The following PDE6H variants were observed in gnomAD, a reference collection of about 807,000 sequenced individuals.
PDE6H encodes retinal cone rhodopsin-sensitive cGMP 3',5'-cyclic phosphodiesterase subunit gamma.
PDE6H carries 11 observed loss-of-function variants against 9.2 expected under a neutral mutation model. The observed-to-expected ratio is 1.19, with a 90% confidence interval of 0.75 to 1.97. The LOEUF is 1.97. Ranked by LOEUF, PDE6H falls within the 30% of genes most tolerant of loss-of-function variation. PDE6H has a pLI of 0.00. For missense variants in PDE6H, 98 were observed against 101.5 expected (o/e 0.97, Z 0.15); for synonymous variants, 36 against 33.6 (o/e 1.07, Z -0.25).
chr12:14,976,361 G>T (rs1438803815), intron 1 of PDE6H, among the ~76,000 whole-genome samples: 1 of 152,114 alleles, frequency 6.6e-6, no homozygotes, highest in African/African-American at 2.4e-5. Flanking sequence ...TTAAATAAGA[G>T]AAAAATCTTG....
At chr12:14,973,990 A>T (rs1273511692) in intron 1 of PDE6H, among the ~76,000 whole-genome samples, 3 of 152,154 alleles carry the variant, frequency 2.0e-5, no homozygotes, top group Non-Finnish European at 4.4e-5. Flanking sequence ...GTTGACCCTA[A>T]TCCCAGTCCC....
Position 14,979,216 on chromosome 12 carries a change from A to G in PDE6H, c.172A>G (p.Thr58Ala), listed in dbSNP as rs778468266. The G allele has an allele frequency of 1.2e-5, 20 of 1,605,438 alleles. No homozygotes were observed. The Admixed American group carries it at 3.0e-4, about 24-fold the overall frequency. ...CATTCCAGGAATGGAGGGGCTAGGA[A>G]CAGGTAAGCCATCCACTGATTTAAG... The part of the protein sequence containing the change: ...DDIPGMEGLG[T>A]DITVICPWEA... Residue 58 changes from threonine (T) to alanine (A), a missense_variant, in exon 3 of 4, where the codon ACA (threonine) becomes GCA (alanine). Physicochemically the swap from Thr to Ala is moderately conservative, Grantham distance 58 (BLOSUM62 0). Coordinates refer to ENST00000266395, the MANE Select transcript of PDE6H (RefSeq NM_006205.3).
At chr12:14,977,702 C>T (rs528289575) in intron 1 of PDE6H, among the ~76,000 whole-genome samples, 2 of 152,240 alleles carry the variant, frequency 1.3e-5, no homozygotes, top group African/African-American at 4.8e-5. Flanking sequence ...TAAAATCTAT[C>T]AATTGTCCGT....
At chr12:14,981,267 C>G in intron 3 of PDE6H, 133 bp from the exon 4 acceptor site, 1 of 766,076 alleles carries the variant, frequency 1.3e-6, no homozygotes, top group Non-Finnish European at 2.4e-6. Context: ...CAGGGCCACG[C>G]TAGGGAACTT....
At chr12:14,975,878 T>A (rs1864586728) in intron 1 of PDE6H, among the ~76,000 whole-genome samples, 1 of 149,106 alleles carries the variant, frequency 6.7e-6, no homozygotes, top group African/African-American at 2.5e-5. Context: ...TGGAGTGCAG[T>A]GGCACAATCT....
chr12:14,977,955 A>T lies in PDE6H; in HGVS notation c.-41-17A>T. On this transcript the variant is annotated splice_polypyrimidine_tract_variant and intron_variant, in intron 1 of 3. Coordinates refer to ENST00000266395, the MANE Select transcript of PDE6H (RefSeq NM_006205.3). ...TGACTTGAAAGATCTTCTTTTTTTT[A>T]TCTTTCACTGTCTAAGGAGGCTGAA... 6 of 1,554,418 alleles carry T rather than the reference A, an allele frequency of 3.9e-6. No individual in the cohort carries two copies. In the Admixed American group the frequency reaches 5.3e-5, roughly 14 times the overall value.
At chr12:14,978,258 A>G (rs1388548449) in intron 2 of PDE6H, 112 bp downstream of exon 2, 2 of 898,114 alleles carry the variant, frequency 2.2e-6, no homozygotes, top group Non-Finnish European at 3.6e-6. Context: ...AAAAATTTCC[A>G]CTCCATCCTC....
rs752057504 is a variant in PDE6H, at chr12:14,981,463, T to A, written c.239T>A (p.Phe80Tyr). 2.5e-6 allele frequency: 4 copies of A among 1,612,824 alleles called. No individual in the cohort carries two copies. Among genetic ancestry groups the A allele is most frequent in the Non-Finnish European group, 3.4e-6 (4 of 1,178,782 alleles). The change falls in exon 4 of 4, where the codon TTT (phenylalanine) becomes TAT (tyrosine). Residue 80 changes from phenylalanine (F) to tyrosine (Y), a missense_variant. By Grantham distance (22) the Phe-to-Tyr change is conservative. Coordinates refer to ENST00000266395, the MANE Select transcript of PDE6H (RefSeq NM_006205.3). ...CTGGAATTGCATGAGCTCGCTCAGT[T>A]TGGGATTATCTGAAGTGCCAGAGGT... ...SHLELHELAQ[F>Y]GII is the part of the protein sequence containing the mutation.
intron 1 of PDE6H, among the ~76,000 whole-genome samples, chr12:14,975,531 G>C (rs923945893): frequency 3.9e-5 from 6 of 152,138 alleles, no homozygotes; most frequent in African/African-American, 1.4e-4. Context: ...TGGCAGGGCT[G>C]GGATGTGTCA....
intron 3 of PDE6H, among the ~76,000 whole-genome samples, chr12:14,979,740 T>A (rs912184064): frequency 6.6e-6 from 1 of 152,222 alleles, no homozygotes. Flanking sequence ...CAATATAATT[T>A]TAAAAATTGG....
At chr12:14,980,438 T>C (rs967197229) in intron 3 of PDE6H, among the ~76,000 whole-genome samples, 5 of 152,210 alleles carry the variant, frequency 3.3e-5, no homozygotes, top group African/African-American at 1.2e-4. Context: ...TAAATATTTA[T>C]GTGCAGGCTT....
rs377544576 is a variant in PDE6H at position 14,976,184 on chromosome 12, G to C, written c.-41-1788G>C. ...ATATAATATATATGGCATGATTACT[G>C]TACACCATGCACTGTTGTAGGTTCT... On this transcript the variant is annotated intron_variant, in intron 1 of 3. Coordinates refer to ENST00000266395, the MANE Select transcript of PDE6H (RefSeq NM_006205.3). Among the ~76,000 whole-genome samples the C allele has an allele frequency of 2.8e-3, 432 of 152,174 alleles. 2 individuals are homozygous for C. Among genetic ancestry groups the C allele is most frequent in the African/African-American group, 9.8e-3 (407 of 41,514 alleles).
intron 2 of PDE6H, 35 bp from the exon 3 acceptor site, chr12:14,979,144 A>T (rs1565472572): frequency 6.6e-7 from 1 of 1,511,178 alleles, no homozygotes. Flanking sequence ...TTTTGCTCTA[A>T]TCTCAGCTAA....
intron 1 of PDE6H, among the ~76,000 whole-genome samples, chr12:14,975,162 T>G (rs1864572793): frequency 1.3e-5 from 2 of 152,144 alleles, no homozygotes; most frequent in Non-Finnish European, 2.9e-5. Flanking sequence ...GAGGGTCACT[T>G]TAGGCCCTTA....
chr12:14,975,662 C>T (rs1864581439), intron 1 of PDE6H, among the ~76,000 whole-genome samples: 2 of 151,838 alleles, frequency 1.3e-5, no homozygotes, highest in Non-Finnish European at 2.9e-5. Context: ...TAGAGAGGGC[C>T]CACAGAACGG....
At chr12:14,979,503 TA>T (rs1373077098) in intron 3 of PDE6H, among the ~76,000 whole-genome samples, 1 of 152,170 alleles carries the variant, frequency 6.6e-6, no homozygotes, top group African/African-American at 2.4e-5. Context: ...ACTTTTATGG[TA>T]GAAAGATTTT....
chr12:14,979,720 T>A (rs1864653234), intron 3 of PDE6H, among the ~76,000 whole-genome samples: 1 of 152,234 alleles, frequency 6.6e-6, no homozygotes, highest in Non-Finnish European at 1.5e-5. Flanking sequence ...TCTTACATAC[T>A]GAATGCCTGC....
chr12:14,973,610 A>T (rs11056266), intron 1 of PDE6H, among the ~76,000 whole-genome samples: 17,937 of 152,062 alleles, frequency 0.12, 1,174 homozygotes, highest in South Asian at 0.25. Flanking sequence ...GCTGGCTGGA[A>T]TTTTGGTAAT....
rs1277467419 is a variant in PDE6H at position 14,978,050 on chromosome 12, ACCAGGGTCCTACCAC to A, written c.41_55del (p.Gln14_Thr18del). Reference sequence around the variant, plus strand: ...ACTACTCTGCCTGCTCCAGCTTCAAACCAGGGTCCTACCACCCCACGCAAAGGCCCTCCCAAGTTC... The same window carrying A: ...ACTACTCTGCCTGCTCCAGCTTCAAACCCACGCAAAGGCCCTCCCAAGTTC... On this transcript the variant is annotated inframe_deletion, in exon 2 of 4. Transcript: ENST00000266395. 6.2e-7 allele frequency: 1 copy of A among 1,613,708 alleles called. No individual in the cohort carries two copies. The highest frequency in any genetic ancestry group is 1.1e-5 in the South Asian group (1 of 91,068).
Sources: gnomAD v4.1 joint callset for allele counts (sites outside exome capture counted in the v4.1 genomes callset) on GRCh38, gnomAD v4.1.1 for gene constraint, MANE v1.5 for transcripts, NCBI Gene and HGNC (gene_info 2026-07-23, HGNC 2026-07-21) for gene names.